FRMD6: variants seen among roughly 807,000 people sequenced by gnomAD.
FRMD6 encodes FERM domain-containing protein 6.
A neutral mutation model predicts 73.2 loss-of-function variants in FRMD6; 37 were observed. The observed-to-expected ratio is 0.51, with a 90% CI of 0.39 to 0.66. The LOEUF is 0.66. Ranked by LOEUF, FRMD6 falls within the 30% of genes least tolerant of loss-of-function variation. The probability of loss-of-function intolerance (pLI) is 0.00; values close to 1 mark genes in which losing one functional copy is unlikely to be tolerated. For missense variants in FRMD6, 714 were observed against 780.5 expected, an observed-to-expected ratio of 0.91 and a Z score of 1.02; for synonymous variants, 273 against 282.2, an observed-to-expected ratio of 0.97 and a Z score of 0.33.
intron 1 of FRMD6, among the ~76,000 whole-genome samples, chr14:51,681,661 T>G (rs576629221): frequency 2.0e-5 from 3 of 152,180 alleles, no homozygotes; most frequent in Non-Finnish European, 4.4e-5. Context: ...TTTCTGTTGA[T>G]TCAACAACTA....
At chr14:51,447,554 A>G in the FRMD6 span, among the ~76,000 whole-genome samples, 1 of 152,218 alleles carries the variant, frequency 6.6e-6, no homozygotes, top group Admixed American at 6.5e-5. Context: ...ACCTCCCCTC[A>G]GGGCAGCAGT....
the FRMD6 span, among the ~76,000 whole-genome samples, chr14:51,428,400 A>C: frequency 2.0e-5 from 3 of 152,108 alleles, no homozygotes; most frequent in Non-Finnish European, 4.4e-5. Flanking sequence ...TTTGAACTTG[A>C]GTGTCTACTG....
rs58046471 is a variant in FRMD6 at position 51,490,616 on chromosome 14, T to TTG, written c.-210+1214_-210+1215dup. Among the ~76,000 whole-genome samples the TTG allele has an allele frequency of 1.5e-3, 227 of 148,122 alleles. 1 individual carries two copies. The highest frequency in any genetic ancestry group is 0.011 in the Middle Eastern group (3 of 282). ...GTCCTGGACGATATATGTGTGTATT[T>TTG]TGTGTGTGTGTGTGTGTGTATAAAA... On this transcript the variant is annotated intron_variant, in intron 1 of 14. Transcript: ENST00000356218.
intron 2 of FRMD6, among the ~76,000 whole-genome samples, chr14:51,623,330 C>G (rs952256409): frequency 2.0e-5 from 3 of 152,162 alleles, no homozygotes; most frequent in Admixed American, 1.3e-4. Flanking sequence ...TTTGAACCAG[C>G]CTGTCATTAT....
chr14:51,596,004 C>T (rs1889692035), intron 2 of FRMD6, among the ~76,000 whole-genome samples: 1 of 152,132 alleles, frequency 6.6e-6, no homozygotes, highest in Non-Finnish European at 1.5e-5. Context: ...GAAATCATAG[C>T]CACCCGCTGT....
At chr14:51,663,584 A>G (rs932636192) in intron 1 of FRMD6, among the ~76,000 whole-genome samples, 4 of 152,170 alleles carry the variant, frequency 2.6e-5, no homozygotes, top group African/African-American at 9.7e-5. Flanking sequence ...TAGAGGGGAC[A>G]TACACTGGGG....
At chr14:51,626,113 G>A (rs966301446) in intron 2 of FRMD6, among the ~76,000 whole-genome samples, 1 of 152,152 alleles carries the variant, frequency 6.6e-6, no homozygotes, top group East Asian at 1.9e-4. Flanking sequence ...TATGAAGGTG[G>A]TACATACACA....
chr14:51,508,704 C>G (rs951724389), intron 1 of FRMD6, among the ~76,000 whole-genome samples: 2 of 152,218 alleles, frequency 1.3e-5, no homozygotes, highest in Non-Finnish European at 2.9e-5. Context: ...GCACTCCCCT[C>G]TCTTCACAAA....
the FRMD6 span, among the ~76,000 whole-genome samples, chr14:51,466,716 C>T: frequency 6.6e-6 from 1 of 152,180 alleles, no homozygotes; most frequent in East Asian, 1.9e-4. Context: ...CTGCCTTATT[C>T]TAGATTCTTT....
intron 11 of FRMD6, among the ~76,000 whole-genome samples, chr14:51,721,502 C>A (rs569846013): frequency 6.6e-6 from 1 of 151,950 alleles, no homozygotes; most frequent in African/African-American, 2.4e-5. Context: ...CCCAGCTACT[C>A]GGGAGGCTGA....
chr14:51,548,213 T>C lies in FRMD6; in HGVS notation c.-209-22135T>C, dbSNP rs545756443. Among the ~76,000 whole-genome samples, 3 of 152,302 alleles carry C rather than the reference T, an allele frequency of 2.0e-5. No homozygotes were observed. In the Middle Eastern group the frequency reaches 0.01, roughly 518 times the overall value. On this transcript the variant is annotated intron_variant, in intron 1 of 14. Coordinates refer to the FRMD6 transcript ENST00000356218. ...GGACAGGCAGCATAATTTTCTAAAA[T>C]ATAGAAAAATTTAAAAGAGGCATTG...
At chr14:51,399,962 T>A in the FRMD6 span, among the ~76,000 whole-genome samples, 63 of 146,100 alleles carry the variant, frequency 4.3e-4, no homozygotes, top group Non-Finnish European at 7.9e-4. Context: ...CAAATATTCC[T>A]TTTTTAAAAA....
the FRMD6 span, among the ~76,000 whole-genome samples, chr14:51,408,807 A>G: frequency 2.0e-5 from 3 of 151,592 alleles, no homozygotes; most frequent in South Asian, 6.3e-4. Flanking sequence ...GCATTTGGGG[A>G]GTTTTTAATA....
At chr14:51,450,073 T>C in the FRMD6 span, among the ~76,000 whole-genome samples, 2 of 152,214 alleles carry the variant, frequency 1.3e-5, no homozygotes, top group African/African-American at 4.8e-5. Flanking sequence ...CTGTTTACTG[T>C]GAAAACAATC....
At chr14:51,604,005 G>A (rs1890145435) in intron 2 of FRMD6, among the ~76,000 whole-genome samples, 1 of 151,584 alleles carries the variant, frequency 6.6e-6, no homozygotes, top group Non-Finnish European at 1.5e-5. Flanking sequence ...GGAAGGTGAG[G>A]GAGTGAGTAT....
chr14:51,437,372 G>A, the FRMD6 span, among the ~76,000 whole-genome samples: 1 of 151,056 alleles, frequency 6.6e-6, no homozygotes, highest in Non-Finnish European at 1.5e-5. Flanking sequence ...GCGCGATCTC[G>A]GCTCACTGCA....
At chr14:51,437,160 G>A in the FRMD6 span, among the ~76,000 whole-genome samples, 2 of 151,934 alleles carry the variant, frequency 1.3e-5, no homozygotes, top group East Asian at 3.9e-4. Flanking sequence ...GACAGGCCCC[G>A]GTGTGTGATG....
intron 1 of FRMD6, among the ~76,000 whole-genome samples, chr14:51,533,861 C>A (rs1479976258): frequency 1.3e-5 from 2 of 152,178 alleles, no homozygotes; most frequent in Non-Finnish European, 2.9e-5. Context: ...TCACTGCACA[C>A]TGACAATAAC....
chr14:51,623,146 G>A (rs1890991400), intron 2 of FRMD6, among the ~76,000 whole-genome samples: 1 of 152,062 alleles, frequency 6.6e-6, no homozygotes, highest in Admixed American at 6.6e-5. Context: ...AGAATCAACT[G>A]GCCTCTGCAC....
Sources: allele counts gnomAD v4.1 joint callset (sites outside exome capture counted in the v4.1 genomes callset), GRCh38; gene constraint gnomAD v4.1.1; transcripts MANE v1.5; gene names NCBI Gene and HGNC (gene_info 2026-07-23, HGNC 2026-07-21).